The following CNTLN variants were observed in gnomAD, a reference collection of about 807,000 sequenced individuals.
CNTLN encodes centlein, centrosomal protein.
In CNTLN, 212 loss-of-function variants were observed where a neutral mutation model predicts 180.0. The ratio of observed to expected loss-of-function variants is 1.18; its 90% CI spans 1.05 to 1.32. The LOEUF (loss-of-function observed/expected upper bound fraction) is 1.32, where lower values mean the gene tolerates loss of function less well. CNTLN is among the 40% of genes most tolerant of loss of function. The pLI is 0.00. For synonymous variants in CNTLN, 722 were observed against 563.1 expected (o/e 1.28, Z -3.99); for missense variants, 2,095 against 1,610.9 (o/e 1.30, Z -5.14).
downstream of CNTLN, among the ~76,000 whole-genome samples, chr9:17,508,012 G>A (rs1833963985): frequency 6.6e-6 from 1 of 152,116 alleles, no homozygotes; most frequent in Non-Finnish European, 1.5e-5. Flanking sequence ...CTTTGTTAAT[G>A]CTGACCCTAG....
Position 17,394,967 on chromosome 9 carries a change from C to G in CNTLN, c.2513C>G (p.Ser838Cys), listed in dbSNP as rs777593199. 21 of 1,613,780 alleles carry G rather than the reference C, an allele frequency of 1.3e-5. No individual in the cohort carries two copies. Among genetic ancestry groups the G allele is most frequent in the Non-Finnish European group, 1.8e-5 (21 of 1,179,726 alleles). Residue 838 changes from serine to cysteine, a missense_variant, in exon 15 of 26, where the codon TCT (serine) becomes TGT (cysteine). Physicochemically the swap from Ser to Cys is moderately radical, Grantham distance 112. Transcript: ENST00000380647. ...TTTAAAGCTGCGAAGAAAAATTGCT[C>G]TGTGGGTCGTCACCACACTGTTCTC... ...VKFKAAKKNC[S>C]VGRHHTVLNH...
rs1380486893 is a variant in CNTLN, at chr9:17,490,941, A to G, written c.4119+3875A>G. On this transcript the variant is annotated intron_variant, in intron 25 of 25. Coordinates refer to ENST00000380647, the MANE Select transcript of CNTLN (RefSeq NM_017738.4). ...AAATGATATAAATATTTTTATTTCA[A>G]ACTCAATAGTTTCTTTTCAGTTGGC... 6.6e-5 allele frequency among the ~76,000 whole-genome samples: 10 copies of G among 152,200 alleles called. No individual in the cohort carries two copies. The East Asian group carries it at 1.7e-3, about 26-fold the overall frequency.
rs542806199 is a variant in CNTLN, at chr9:17,283,046, G to A, written c.983+9180G>A. 7.2e-5 allele frequency among the ~76,000 whole-genome samples: 11 copies of A among 152,134 alleles called. No individual in the cohort carries two copies. In the South Asian group the frequency reaches 1.0e-3, roughly 14 times the overall value. On this transcript the variant is annotated intron_variant, in intron 6 of 25. Coordinates refer to ENST00000380647, the MANE Select transcript of CNTLN (RefSeq NM_017738.4). ...TAATGCCACTGGCTTTGTTCTTTTC[G>A]CTTAGGATTGTCTTGGCTATACGGG...
chr9:17,499,167 C>T (rs956997325), intron 25 of CNTLN, among the ~76,000 whole-genome samples: 1 of 152,122 alleles, frequency 6.6e-6, no homozygotes, highest in African/African-American at 2.4e-5. Flanking sequence ...ATTTTAAGTA[C>T]AGTGTCAGTC....
chr9:17,500,517 A>T (rs912539654), intron 25 of CNTLN, among the ~76,000 whole-genome samples: 2 of 152,196 alleles, frequency 1.3e-5, no homozygotes, highest in African/African-American at 2.4e-5. Context: ...GCTGTGTTTC[A>T]TGGGCCACTA....
At position 17,374,220 on chromosome 9, in the gene CNTLN, CAG is replaced by C. The variant is rs145963009; in HGVS notation, c.1987+7504_1987+7505del. Reference sequence around the variant, plus strand: ...CAATATTTGCAAACTACCCATCTAACAGGGGATTAATAACCAGAATATATAAG... The same window carrying C: ...CAATATTTGCAAACTACCCATCTAACGGGATTAATAACCAGAATATATAAG... On this transcript the variant is annotated intron_variant, in intron 13 of 25. Transcript: ENST00000380647. Among the ~76,000 whole-genome samples the C allele has an allele frequency of 8.5e-3, 1,289 of 152,228 alleles. 21 individuals carry two copies. Among genetic ancestry groups the C allele is most frequent in the African/African-American group, 0.029 (1,209 of 41,532 alleles).
chr9:17,150,791 T>G (rs1586920865), intron 2 of CNTLN, among the ~76,000 whole-genome samples: 1 of 152,110 alleles, frequency 6.6e-6, no homozygotes, highest in East Asian at 1.9e-4. Flanking sequence ...AGCATGGAAT[T>G]TTTTTCCATT....
chr9:17,214,565 G>T (rs1280176366), intron 2 of CNTLN, among the ~76,000 whole-genome samples: 2 of 152,120 alleles, frequency 1.3e-5, no homozygotes, highest in African/African-American at 2.4e-5. Flanking sequence ...GTATCTTTGT[G>T]GCGTTCTCTG....
chr9:17,273,902 A>G, intron 6 of CNTLN, 36 bp downstream of exon 6: 1 of 1,426,188 alleles, frequency 7.0e-7, no homozygotes, highest in Non-Finnish European at 9.5e-7. Flanking sequence ...ACATCATAGA[A>G]ATGTCATTAG....
the CNTLN span, among the ~76,000 whole-genome samples, chr9:17,519,979 G>T: frequency 6.4e-3 from 973 of 152,326 alleles, 13 homozygotes; most frequent in African/African-American, 0.022. Context: ...CTCAGAGAGT[G>T]CAGGAGAGGA....
At chr9:17,166,546 A>G (rs1255658919) in intron 2 of CNTLN, among the ~76,000 whole-genome samples, 6 of 152,184 alleles carry the variant, frequency 3.9e-5, no homozygotes, top group Non-Finnish European at 5.9e-5. Context: ...GCACATTATT[A>G]TGCAATTTTA....
At chr9:17,472,408 A>G (rs575357867) in intron 23 of CNTLN, among the ~76,000 whole-genome samples, 2 of 152,270 alleles carry the variant, frequency 1.3e-5, no homozygotes, top group South Asian at 4.1e-4. Flanking sequence ...CACCCGGATT[A>G]TCTTTCTCTC....
chr9:17,295,018 C>T (rs1044897953), intron 6 of CNTLN, among the ~76,000 whole-genome samples: 1 of 151,818 alleles, frequency 6.6e-6, no homozygotes, highest in Admixed American at 6.6e-5. Context: ...TTGAGAGCAG[C>T]GCCGGTGGGC....
chr9:17,499,765 A>G (rs189620854), intron 25 of CNTLN, among the ~76,000 whole-genome samples: 1 of 152,266 alleles, frequency 6.6e-6, no homozygotes, highest in Non-Finnish European at 1.5e-5. Context: ...ATTTTCTGTT[A>G]TAAAATTACC....
intron 12 of CNTLN, among the ~76,000 whole-genome samples, chr9:17,343,478 A>G (rs1013194733): frequency 3.3e-5 from 5 of 152,166 alleles, no homozygotes; most frequent in Non-Finnish European, 5.9e-5. Flanking sequence ...CCATGTAATG[A>G]TAAACTTTTG....
chr9:17,342,466 A>G (rs1477580255), intron 12 of CNTLN, 22 bp downstream of exon 12: 2 of 1,577,132 alleles, frequency 1.3e-6, no homozygotes, highest in South Asian at 1.2e-5. Context: ...TTTTAACAAT[A>G]TGGACTTAGA....
Position 17,289,560 on chromosome 9 carries a change from T to C in CNTLN, c.984-8630T>C, listed in dbSNP as rs1232602982. Among the ~76,000 whole-genome samples the C allele has an allele frequency of 1.5e-5, 2 of 136,138 alleles. 1 individual carries two copies. The highest frequency in any genetic ancestry group is 4.2e-4 in the East Asian group (2 of 4,750). The allele number at this position is 136,138 out of a possible 152,430, so 89.3% of individuals were successfully genotyped here. A position where few individuals can be genotyped will look rare whatever the true frequency, so the allele number is the denominator to read the frequency against. The stretch of plus-strand genomic sequence containing the variant: ...CCTGAATCTGAACATTGGCCTGCCT[T>C]GCTAGATTGGGGAAGTTCTCCTGGA... On this transcript the variant is annotated intron_variant, in intron 6 of 25. Transcript: ENST00000380647.
intron 10 of CNTLN, among the ~76,000 whole-genome samples, chr9:17,338,947 A>G (rs1031912663): frequency 1.3e-5 from 2 of 152,200 alleles, no homozygotes; most frequent in African/African-American, 4.8e-5. Context: ...AATGAACAAA[A>G]TTGAACTCAG....
At chr9:17,187,121 G>T (rs1821478962) in intron 2 of CNTLN, among the ~76,000 whole-genome samples, 1 of 152,032 alleles carries the variant, frequency 6.6e-6, no homozygotes, top group Non-Finnish European at 1.5e-5. Flanking sequence ...CGCATACATG[G>T]AATTAAAAAC....
Sources: allele counts gnomAD v4.1 joint callset (sites outside exome capture counted in the v4.1 genomes callset), GRCh38; gene constraint gnomAD v4.1.1; transcripts MANE v1.5; gene names NCBI Gene and HGNC (gene_info 2026-07-23, HGNC 2026-07-21).